DMD: variants seen among roughly 807,000 people sequenced by gnomAD.
DMD encodes the protein mutant dystrophin.
In DMD, 63 loss-of-function variants were observed where a neutral mutation model predicts 330.1. The observed-to-expected ratio is 0.19, with a 90% confidence interval of 0.16 to 0.24. DMD has a LOEUF of 0.24. DMD is among the 10% of genes least tolerant of loss of function. The pLI, the probability that DMD is intolerant of heterozygous loss-of-function variation, is 1.00. For synonymous variants in DMD, 1,223 were observed against 959.8 expected (o/e 1.27, Z -5.07); for missense variants, 3,344 against 2,684.1 (o/e 1.25, Z -5.43).
chrX:32,674,193 G>A (rs1206473986), intron 9 of DMD, among the ~76,000 whole-genome samples: 4 of 111,765 alleles, frequency 3.6e-5, no homozygotes, highest in Non-Finnish European at 7.5e-5. Flanking sequence ...ATTTAGTTTA[G>A]TTTTAATCAG....
At chrX:31,123,700 AAAAC>A (rs2033173891) in intron 78 of DMD, among the ~76,000 whole-genome samples, 1 of 112,254 alleles carries the variant, frequency 8.9e-6, no homozygotes, top group African/African-American at 3.2e-5. Context: ...AAAATCAGTA[AAAAC>A]AAAGTCCAGG....
At chrX:33,314,570 G>GT (rs1170142842) in intron 1 of DMD, among the ~76,000 whole-genome samples, 32,775 of 78,489 alleles carry the variant, frequency 0.42, 6,964 homozygotes, top group Non-Finnish European at 0.55. Context: ...TTTTTTTTTT[G>GT]TTTTTTTTTT....
chrX:31,216,982 C>A (rs1191638322), intron 64 of DMD, among the ~76,000 whole-genome samples: 1 of 111,415 alleles, frequency 9.0e-6, no homozygotes, highest in East Asian at 2.8e-4. Flanking sequence ...GTATATTTAG[C>A]CCTATGGTTT....
chrX:32,829,700 T>A (rs1267105047), intron 4 of DMD, among the ~76,000 whole-genome samples: 1 of 111,954 alleles, frequency 8.9e-6, no homozygotes, highest in Non-Finnish European at 1.9e-5. Context: ...TCTCTCTGAA[T>A]ACAGATTTCA....
chrX:32,106,457 A>G (rs1354701260), intron 44 of DMD, among the ~76,000 whole-genome samples: 3 of 111,681 alleles, frequency 2.7e-5, no homozygotes, highest in South Asian at 3.8e-4. Flanking sequence ...AGGTTATTAA[A>G]ATAGACTTGA....
At chrX:32,281,798 CTTCT>C (rs2097421695) in intron 43 of DMD, among the ~76,000 whole-genome samples, 1 of 111,661 alleles carries the variant, frequency 9.0e-6, no homozygotes, top group African/African-American at 3.2e-5. Context: ...TGCCCTTATA[CTTCT>C]TTCTCTAATT....
In DMD at chrX:31,687,073, G is replaced by C. The variant is rs187849607; in HGVS notation, c.7661-7487C>G. On this transcript the variant is annotated intron_variant, in intron 52 of 78. Transcript: ENST00000357033. The stretch of plus-strand genomic sequence containing the variant: ...TTTCTAGACACACCCTGGGCCAAAA[G>C]GGAATCTGCTACCTTAAAGGGAAGG... 6.3e-5 allele frequency among the ~76,000 whole-genome samples: 7 copies of C among 111,235 alleles called. No individual in the cohort carries two copies. In the Admixed American group the frequency reaches 6.7e-4, roughly 11 times the overall value.
intron 15 of DMD, among the ~76,000 whole-genome samples, chrX:32,568,771 T>C (rs1325761037): frequency 9.0e-6 from 1 of 110,687 alleles, no homozygotes; most frequent in Non-Finnish European, 1.9e-5. Context: ...CCAGGATTAT[T>C]AACTGAGGGA....
chrX:32,607,985 A>G (rs1182229115), intron 12 of DMD, among the ~76,000 whole-genome samples: 1 of 109,567 alleles, frequency 9.1e-6, no homozygotes, highest in Non-Finnish European at 1.9e-5. Context: ...TTACAAGAGT[A>G]ATGAAGTATA....
intron 61 of DMD, among the ~76,000 whole-genome samples, chrX:31,347,294 T>C (rs2058150844): frequency 9.0e-6 from 1 of 110,645 alleles, no homozygotes; most frequent in Admixed American, 9.7e-5. Flanking sequence ...AACACATCGT[T>C]GTTAACTACA....
chrX:33,293,038 T>C (rs2053536152), intron 1 of DMD, among the ~76,000 whole-genome samples: 1 of 111,747 alleles, frequency 8.9e-6, no homozygotes, highest in African/African-American at 3.2e-5. Context: ...GGCCTTCCCT[T>C]TTCTTTGAAT....
chrX:31,999,035 T>C (rs1171589379), intron 44 of DMD, among the ~76,000 whole-genome samples: 1 of 111,347 alleles, frequency 9.0e-6, no homozygotes. Context: ...AAAAGCAGAT[T>C]TGACTCTGAT....
At chrX:31,583,160 G>T (rs922737693) in intron 55 of DMD, among the ~76,000 whole-genome samples, 13 of 112,244 alleles carry the variant, frequency 1.2e-4, no homozygotes. Context: ...AAATATAGAA[G>T]TTCACTGGGG....
Position 32,029,566 on chromosome X carries a change from C to T in DMD, c.6439-61052G>A, listed in dbSNP as rs138219491. 2.3e-3 allele frequency among the ~76,000 whole-genome samples: 259 copies of T among 111,451 alleles called. 2 individuals carry two copies. The highest frequency in any genetic ancestry group is 7.5e-3 in the African/African-American group (231 of 30,731). ...GACCCAGCACAACACGTAATAAATG[C>T]TGCCTGGTTTGAATTGAACTTAAGG... On this transcript the variant is annotated intron_variant, in intron 44 of 78. Coordinates refer to ENST00000357033, the MANE Select transcript of DMD (RefSeq NM_004006.3).
At chrX:32,593,813 C>T (rs935578447) in intron 13 of DMD, among the ~76,000 whole-genome samples, 1 of 112,328 alleles carries the variant, frequency 8.9e-6, no homozygotes, top group African/African-American at 3.2e-5. Context: ...AAATATTTCT[C>T]AATCAAATAA....
At chrX:32,918,333 C>A (rs1259899095) in intron 2 of DMD, among the ~76,000 whole-genome samples, 1 of 111,662 alleles carries the variant, frequency 9.0e-6, no homozygotes, top group East Asian at 2.8e-4. Context: ...TGCTTCAAAA[C>A]CTTCCCAAAG....
chrX:32,843,853 C>CTTGGT (rs1384109969), intron 4 of DMD, among the ~76,000 whole-genome samples: 1 of 111,732 alleles, frequency 8.9e-6, no homozygotes, highest in African/African-American at 3.3e-5. Context: ...GACCTGCCTA[C>CTTGGT]TTGGTTTAGC....
intron 51 of DMD, among the ~76,000 whole-genome samples, chrX:31,730,284 A>C (rs930509855): frequency 2.7e-5 from 3 of 111,763 alleles, no homozygotes; most frequent in Non-Finnish European, 5.6e-5. Context: ...GCCTGTCCGT[A>C]AGAATCACCA....
At chrX:31,130,826 CA>C (rs2034387614) in intron 77 of DMD, among the ~76,000 whole-genome samples, 1 of 111,639 alleles carries the variant, frequency 9.0e-6, no homozygotes, top group African/African-American at 3.3e-5. Context: ...TGGCAAGGGG[CA>C]ACAGAAAAGT....
Sources: allele counts gnomAD v4.1 joint callset (sites outside exome capture counted in the v4.1 genomes callset), GRCh38; gene constraint gnomAD v4.1.1; transcripts MANE v1.5; gene names NCBI Gene and HGNC (gene_info 2026-07-23, HGNC 2026-07-21).